The following OR6B3 variants were observed in gnomAD, a reference collection of about 807,000 sequenced individuals.
OR6B3 encodes olfactory receptor family 6 subfamily B member 3.
For missense variants in OR6B3, 315 were observed against 427.4 expected, an observed-to-expected ratio of 0.74 and a Z score of 2.32; for synonymous variants, 148 against 187.8, an observed-to-expected ratio of 0.79 and a Z score of 1.73.
exon 2 of OR6B3, chr2:240,045,410 G>A (rs72993519): frequency 0.017 from 27,077 of 1,614,160 alleles, 297 homozygotes; most frequent in Middle Eastern, 0.02. Context: ...CAGCCAGGGT[G>A]ATGTGCGCAT....
At chr2:240,047,376 G>A (rs112224638), upstream of OR6B3, among the ~76,000 whole-genome samples, 8 of 152,304 alleles carry the variant, frequency 5.3e-5, no homozygotes, top group East Asian at 7.7e-4. Context: ...GGGCAGGTCC[G>A]TCTGTAGATA....
exon 2 of OR6B3, chr2:240,045,251 G>A: frequency 6.2e-7 from 1 of 1,614,230 alleles, no homozygotes; most frequent in Middle Eastern, 1.6e-4. Context: ...ACAAAACAGA[G>A]ATGAGCTTGT....
chr2:240,051,718 G>T (rs949206666), upstream of OR6B3, among the ~76,000 whole-genome samples: 15 of 152,210 alleles, frequency 9.9e-5, no homozygotes, highest in Admixed American at 9.8e-4. Flanking sequence ...GATTATTTCA[G>T]CGGTGCAAAG....
In OR6B3 at chr2:240,046,755, G is replaced by A. The variant is rs76869570; in HGVS notation, c.-26+197C>T. 3.5e-4 allele frequency among the ~76,000 whole-genome samples: 53 copies of A among 152,266 alleles called. 1 individual carries two copies. The East Asian group carries it at 9.5e-3, about 27-fold the overall frequency. On this transcript the variant is annotated intron_variant, in intron 1 of 1. Transcript: ENST00000641019. ...AATCCCAGAAGAGAGAAAACAGATG[G>A]CAGCAGAGAGGAGGAAGTCTAGAAC...
At chr2:240,049,777 A>T (rs541595475), upstream of OR6B3, among the ~76,000 whole-genome samples, 10 of 152,232 alleles carry the variant, frequency 6.6e-5, no homozygotes, top group East Asian at 1.9e-3. Context: ...TAAACCAGTT[A>T]CTCTTCTTTT....
At chr2:240,046,048 C>T (rs373147887) in exon 2 of OR6B3, 2 of 1,613,396 alleles carry the variant, frequency 1.2e-6, no homozygotes, top group African/African-American at 1.3e-5. Flanking sequence ...AAGGTGCCGA[C>T]CCTGGTGACA....
chr2:240,050,513 A>G (rs1037984258), upstream of OR6B3, among the ~76,000 whole-genome samples: 1 of 152,114 alleles, frequency 6.6e-6, no homozygotes, highest in African/African-American at 2.4e-5. Context: ...TCAGGCGTTC[A>G]AGACTAGCCT....
chr2:240,053,111 G>A, the OR6B3 span, among the ~76,000 whole-genome samples: 1 of 152,172 alleles, frequency 6.6e-6, no homozygotes, highest in Non-Finnish European at 1.5e-5. The surrounding 1 kb of genome is among the most constrained non-coding windows in gnomAD (Gnocchi z 4.1). Context: ...AACATAAATA[G>A]GGAGACAGAT....
upstream of OR6B3, among the ~76,000 whole-genome samples, chr2:240,049,897 AT>A (rs1200779045): frequency 6.6e-6 from 1 of 152,190 alleles, no homozygotes; most frequent in Non-Finnish European, 1.5e-5. Flanking sequence ...AGATGAGATA[AT>A]CAAAAGGGTA....
At chr2:240,044,889 A>C (rs150750440), downstream of OR6B3, among the ~76,000 whole-genome samples, 140 of 152,384 alleles carry the variant, frequency 9.2e-4, no homozygotes, top group South Asian at 2.3e-3. Context: ...AGGAAAATTC[A>C]TTAAGCTTTA....
At chr2:240,050,645 C>T (rs117360670), upstream of OR6B3, among the ~76,000 whole-genome samples, 964 of 146,992 alleles carry the variant, frequency 6.6e-3, 53 homozygotes, top group East Asian at 0.11. Context: ...ACCCGGGAGA[C>T]GGAGGTTGCA....
intron 1 of OR6B3, among the ~76,000 whole-genome samples, chr2:240,046,694 C>G (rs1040030170): frequency 7.9e-5 from 12 of 152,108 alleles, no homozygotes; most frequent in Admixed American, 6.5e-4. Flanking sequence ...CCCTGTCAAT[C>G]TGAGGGGAAT....
At chr2:240,044,916 T>C (rs539513443), downstream of OR6B3, among the ~76,000 whole-genome samples, 40 of 152,390 alleles carry the variant, frequency 2.6e-4, no homozygotes, top group Admixed American at 2.3e-3. Context: ...ACAGCTTTGC[T>C]CATCTACAAA....
exon 2 of OR6B3, chr2:240,045,581 G>A (rs752672427): frequency 4.2e-5 from 65 of 1,541,628 alleles, no homozygotes; most frequent in Admixed American, 8.5e-5. Context: ...ACGTGACGCT[G>A]GAGATAAAAC....
At chr2:240,048,095 G>T (rs1429467029), upstream of OR6B3, among the ~76,000 whole-genome samples, 1 of 152,164 alleles carries the variant, frequency 6.6e-6, no homozygotes, top group Non-Finnish European at 1.5e-5. Context: ...CACAGGAAAT[G>T]TAGGGAGTTG....
chr2:240,048,121 C>T (rs182602255), upstream of OR6B3, among the ~76,000 whole-genome samples: 321 of 152,232 alleles, frequency 2.1e-3, 2 homozygotes, highest in African/African-American at 7.5e-3. Context: ...ACACCTGGTT[C>T]GTGTTGGCAT....
At chr2:240,045,259 T>C (rs1263989637) in exon 2 of OR6B3, 1 of 1,614,136 alleles carries the variant, frequency 6.2e-7, no homozygotes, top group Non-Finnish European at 8.5e-7. Context: ...GAGATGAGCT[T>C]GTTGGAGCTC....
At chr2:240,053,489 G>T in the OR6B3 span, among the ~76,000 whole-genome samples, 2 of 152,278 alleles carry the variant, frequency 1.3e-5, no homozygotes, top group East Asian at 3.9e-4. The surrounding 1 kb of genome is among the most constrained non-coding windows in gnomAD (Gnocchi z 4.1). Context: ...AGGGCGCGAG[G>T]CAGGCAATGA....
At chr2:240,050,628 C>T (rs1698244347), upstream of OR6B3, among the ~76,000 whole-genome samples, 1 of 150,710 alleles carries the variant, frequency 6.6e-6, no homozygotes, top group African/African-American at 2.4e-5. Flanking sequence ...GTATGAGAAT[C>T]ACTTGAACCC....
Sources: gnomAD v4.1 joint callset for allele counts (sites outside exome capture counted in the v4.1 genomes callset) on GRCh38, gnomAD v4.1.1 for gene constraint, Gnocchi (gnomAD v3.1) non-coding constraint, MANE v1.5 for transcripts, NCBI Gene and HGNC (gene_info 2026-07-23, HGNC 2026-07-21) for gene names.